Variants in NUP93 observed in about 807,000 individuals in gnomAD.
NUP93 encodes the protein nucleoporin 93.
Under a neutral mutation model 107.8 loss-of-function variants are expected in NUP93, and 55 were observed. The observed-to-expected ratio is 0.51, with a 90% CI of 0.41 to 0.64. The LOEUF is 0.64. NUP93 is among the 30% of genes least tolerant of loss of function. NUP93 has a pLI of 0.00. For synonymous variants in NUP93, 390 were observed against 397.5 expected, an observed-to-expected ratio of 0.98 and a Z score of 0.22; for missense variants, 937 against 1,044.7, an observed-to-expected ratio of 0.90 and a Z score of 1.42.
chr16:56,752,199 C>CAAAA (rs1961934048), intron 2 of NUP93, among the ~76,000 whole-genome samples: 2 of 152,176 alleles, frequency 1.3e-5, no homozygotes, highest in Non-Finnish European at 2.9e-5. Flanking sequence ...TTAGACATAG[C>CAAAA]TAGCAAAATT....
At chr16:56,804,986 C>A (rs1278305561) in intron 4 of NUP93, among the ~76,000 whole-genome samples, 2 of 151,270 alleles carry the variant, frequency 1.3e-5, no homozygotes, top group African/African-American at 2.4e-5. Context: ...ATGTTGCAAA[C>A]AGTTGTCAGT....
intron 3 of NUP93, among the ~76,000 whole-genome samples, chr16:56,761,561 AT>A (rs5817074): frequency 6.7e-6 from 1 of 150,160 alleles, no homozygotes; most frequent in African/African-American, 2.4e-5. Flanking sequence ...CAATCAATGC[AT>A]TTTTTTTTTG....
At chr16:56,760,593 T>C (rs1198817118) in intron 3 of NUP93, among the ~76,000 whole-genome samples, 1 of 152,018 alleles carries the variant, frequency 6.6e-6, no homozygotes, top group Non-Finnish European at 1.5e-5. Flanking sequence ...CGGGTGCCAC[T>C]TTCAAACACC....
At chr16:56,807,085 T>C (rs1347416054) in intron 5 of NUP93, among the ~76,000 whole-genome samples, 2 of 152,204 alleles carry the variant, frequency 1.3e-5, no homozygotes, top group Non-Finnish European at 2.9e-5. Context: ...CTACATGACA[T>C]GGTCTTGTTG....
intron 3 of NUP93, among the ~76,000 whole-genome samples, chr16:56,783,078 GATACA>G (rs1285315478): frequency 1.4e-4 from 22 of 152,182 alleles, no homozygotes; most frequent in African/African-American, 5.3e-4. Flanking sequence ...TAATATCAAA[GATACA>G]ATACATTTAA....
chr16:56,748,400 G>T lies in NUP93; in HGVS notation c.153G>T (p.Thr51=). The change falls in exon 2 of 22, where the codon ACG becomes ACT. Residue 51 remains threonine (T), a synonymous_variant. Coordinates refer to ENST00000308159, the MANE Select transcript of NUP93 (RefSeq NM_014669.5). ...ERLRSRTLTR[T]SQETADVKAS... is the part of the protein sequence containing the mutation. The stretch of plus-strand genomic sequence containing the variant: ...TGCGTTCCCGTACCCTAACACGCAC[G>T]TCCCAGGAGACGGCAGATGTCAAGG... 1 of 1,613,418 alleles carries T rather than the reference G, an allele frequency of 6.2e-7. No individual in the cohort carries two copies.
chr16:56,834,835 T>C, intron 16 of NUP93, 57 bp downstream of exon 16: 4 of 1,319,396 alleles, frequency 3.0e-6, no homozygotes, highest in East Asian at 4.7e-5. Flanking sequence ...TTTATAAATA[T>C]CAAAAAATAC....
chr16:56,768,222 CCT>C (rs772926056), intron 3 of NUP93, among the ~76,000 whole-genome samples: 3 of 152,158 alleles, frequency 2.0e-5, no homozygotes, highest in Non-Finnish European at 2.9e-5. Context: ...TTCTTCCTTC[CCT>C]GTTTCTCACC....
intron 4 of NUP93, among the ~76,000 whole-genome samples, chr16:56,800,985 A>G (rs1261895681): frequency 6.6e-6 from 1 of 152,234 alleles, no homozygotes; most frequent in Admixed American, 6.5e-5. Context: ...CACACATAAC[A>G]AAAACTTGAA....
chr16:56,749,366 C>G (rs539055002), intron 2 of NUP93, among the ~76,000 whole-genome samples: 13 of 152,286 alleles, frequency 8.5e-5, no homozygotes, highest in African/African-American at 2.9e-4. Context: ...AGTAACTCTT[C>G]CAGATCACAC....
chr16:56,818,613 A>G lies in NUP93; in HGVS notation c.490-51A>G, dbSNP rs1963482024. 5.1e-6 allele frequency: 7 copies of G among 1,378,534 alleles called. No homozygotes were observed. In the Admixed American group the frequency reaches 8.9e-5, roughly 17 times the overall value. The allele number at this position is 1,378,534 out of a possible 1,614,324, so 85.4% of individuals were successfully genotyped here. On this transcript the variant is annotated intron_variant, in intron 5 of 21. Coordinates refer to ENST00000308159, the MANE Select transcript of NUP93 (RefSeq NM_014669.5). ...GTTTATGATGTGATTTGATTTCTTC[A>G]CATGACTGAATACTGTCCCTAACTG...
intron 3 of NUP93, among the ~76,000 whole-genome samples, chr16:56,792,389 G>C (rs564443838): frequency 1.3e-5 from 2 of 152,312 alleles, no homozygotes; most frequent in South Asian, 4.1e-4. Context: ...GATTTGCTAT[G>C]ATGAGAGATA....
intron 5 of NUP93, among the ~76,000 whole-genome samples, chr16:56,807,781 G>C (rs1963175456): frequency 6.6e-6 from 1 of 151,848 alleles, no homozygotes; most frequent in Non-Finnish European, 1.5e-5. Context: ...CCAGCATGTT[G>C]GGAGGCCAAG....
intron 2 of NUP93, among the ~76,000 whole-genome samples, chr16:56,750,918 G>T (rs1283001248): frequency 6.6e-6 from 1 of 152,122 alleles, no homozygotes; most frequent in East Asian, 1.9e-4. Context: ...CAGCACTTTG[G>T]GAGGCTGAGG....
At chr16:56,766,984 G>A (rs940487329) in intron 3 of NUP93, among the ~76,000 whole-genome samples, 8 of 152,162 alleles carry the variant, frequency 5.3e-5, no homozygotes, top group East Asian at 1.9e-4. Context: ...AGTGTGTATC[G>A]CTTTCTTTTA....
chr16:56,822,529 A>T (rs1211330187), intron 7 of NUP93, among the ~76,000 whole-genome samples: 1 of 149,816 alleles, frequency 6.7e-6, no homozygotes, highest in African/African-American at 2.5e-5. Context: ...AAAAAAAAAA[A>T]AGTAACTTTT....
At chr16:56,826,514 T>TAAA (rs35715417) in intron 8 of NUP93, among the ~76,000 whole-genome samples, 1 of 128,214 alleles carries the variant, frequency 7.8e-6, no homozygotes. Flanking sequence ...AGACTCCGTC[T>TAAA]AAAAAAAAAA....
chr16:56,830,202 C>T lies in NUP93; in HGVS notation c.928-326C>T, dbSNP rs112632755. The stretch of plus-strand genomic sequence containing the variant: ...TGTGTATATTATCACAAAAGAACAT[C>T]ACCCAGTTACTATGGGCCCCTGGGA... On this transcript the variant is annotated intron_variant, in intron 9 of 21. Coordinates refer to ENST00000308159, the MANE Select transcript of NUP93 (RefSeq NM_014669.5). Among the ~76,000 whole-genome samples, 423 of 152,280 alleles carry T rather than the reference C, an allele frequency of 2.8e-3. 3 individuals carry two copies. The highest frequency in any genetic ancestry group is 9.6e-3 in the African/African-American group (400 of 41,538).
At chr16:56,755,582 C>T (rs1962003643) in intron 2 of NUP93, among the ~76,000 whole-genome samples, 1 of 152,010 alleles carries the variant, frequency 6.6e-6, no homozygotes, top group Non-Finnish European at 1.5e-5. Flanking sequence ...ACATAAAAAT[C>T]ACTGAATTGT....
Sources: gnomAD v4.1 joint callset for allele counts (sites outside exome capture counted in the v4.1 genomes callset) on GRCh38, gnomAD v4.1.1 for gene constraint, MANE v1.5 for transcripts, NCBI Gene and HGNC (gene_info 2026-07-23, HGNC 2026-07-21) for gene names.